CLSPN: variants seen among roughly 807,000 people sequenced by gnomAD.
CLSPN encodes claspin.
CLSPN carries 85 observed loss-of-function variants against 156.3 expected under a neutral mutation model. The observed-to-expected ratio is 0.54, with a 90% confidence interval of 0.46 to 0.65. The LOEUF is 0.65. Ranked by LOEUF, CLSPN falls within the 30% of genes least tolerant of loss-of-function variation. CLSPN has a pLI of 0.00. For synonymous variants in CLSPN, 534 were observed against 542.4 expected, an observed-to-expected ratio of 0.98 and a Z score of 0.22; for missense variants, 1,407 against 1,554.9, an observed-to-expected ratio of 0.90 and a Z score of 1.60.
chr1:35,731,429 T>C (rs1473087862), downstream of CLSPN, among the ~76,000 whole-genome samples: 1 of 152,178 alleles, frequency 6.6e-6, no homozygotes, highest in Non-Finnish European at 1.5e-5. Context: ...GGCAGAGCTA[T>C]GTCATGCATC....
chr1:35,769,794 C>A, intron 1 of CLSPN, 53 bp downstream of exon 1: 1 of 1,553,772 alleles, frequency 6.4e-7, no homozygotes. Context: ...CCCACCTAAC[C>A]TCTCGGTGCC....
chr1:35,747,996 G>A lies in CLSPN; in HGVS notation c.2538C>T (p.Ser846=). The A allele has an allele frequency of 1.2e-6, 2 of 1,614,138 alleles. No homozygotes were observed. Among genetic ancestry groups the A allele is most frequent in the South Asian group, 2.2e-5 (2 of 91,080 alleles). ...CTAGGAAAAGTGTCTTAGGCTCTGGGGAGGCGTTATACAGATCCTGGGAAT... is the reference window on the plus strand; with the variant it reads ...CTAGGAAAAGTGTCTTAGGCTCTGGAGAGGCGTTATACAGATCCTGGGAAT... The part of the protein sequence containing the change: ...IEDSQDLYNA[S]PEPKTLFLGA... Residue 846 remains serine, a synonymous_variant, in exon 14 of 25, where the codon TCC becomes TCT. Coordinates refer to ENST00000318121, the MANE Select transcript of CLSPN (RefSeq NM_022111.4).
At chr1:35,720,412 GC>G (rs1557489370) in exon 25 of CLSPN, 1 of 148,614 alleles carries the variant, frequency 6.7e-6, no homozygotes, top group African/African-American at 2.5e-5. Context: ...GGTTCCCCTG[GC>G]CTTCAGCCTG....
At position 35,764,284 on chromosome 1, in the gene CLSPN, C is replaced by T. The variant is rs1254645331; in HGVS notation, c.564G>A (p.Lys188=). The T allele has an allele frequency of 1.3e-6, 2 of 1,566,736 alleles. No individual in the cohort carries two copies. The highest frequency in any genetic ancestry group is 1.7e-6 in the Non-Finnish European group (2 of 1,164,114). Residue 188 remains lysine (K), a synonymous_variant, in exon 3 of 25, where the codon AAG becomes AAA. Transcript: ENST00000318121. The stretch of plus-strand genomic sequence containing the variant: ...AATGTACCTGGTTTTTTGTTTCCTT[C>T]TTTTTTAGCTGTCTAATTTTTTCCA... ...RKMEKIRQLK[K]KETKNQEDDV...
In CLSPN at chr1:35,763,200, G is replaced by T; in HGVS notation, c.704C>A (p.Ser235Ter). ...SPLEDEESLE[S>*]IRAAVKNKVK... The stretch of plus-strand genomic sequence containing the variant: ...TTTGTTTTTTACAGCTGCTCTTATT[G>T]ATTCTAATGACTCTTCATCTTCCAA... Residue 235 changes from serine to a stop codon, truncating the protein, a stop_gained, in exon 4 of 25, where the codon TCA becomes TAA. Coordinates refer to ENST00000318121, the MANE Select transcript of CLSPN (RefSeq NM_022111.4). LOFTEE classifies it high-confidence loss of function. 6.3e-7 allele frequency: 1 copy of T among 1,598,882 alleles called. No individual in the cohort carries two copies.
chr1:35,768,898 T>A (rs886483972), intron 1 of CLSPN, among the ~76,000 whole-genome samples: 3 of 152,026 alleles, frequency 2.0e-5, no homozygotes, highest in African/African-American at 7.2e-5. Context: ...TCTCAAAAAA[T>A]TCAGTAATCA....
At chr1:35,748,840 T>TTTG (rs1641986142) in intron 12 of CLSPN, 1 of 463,486 alleles carries the variant, frequency 2.2e-6, no homozygotes, top group Non-Finnish European at 3.6e-6. Context: ...TTTTTTTTTT[T>TTTG]TTTTTGAGAC....
intron 18 of CLSPN, among the ~76,000 whole-genome samples, chr1:35,741,563 G>C (rs111518866): frequency 6.6e-6 from 1 of 152,040 alleles, no homozygotes; most frequent in Non-Finnish European, 1.5e-5. Flanking sequence ...TGATCCACCC[G>C]CCTCAGCTTC....
Position 35,736,998 on chromosome 1 carries a change from A to C in CLSPN, c.3825T>G (p.Ser1275Arg), listed in dbSNP as rs1220142474. 2 of 1,614,058 alleles carry C rather than the reference A, an allele frequency of 1.2e-6. No homozygotes were observed. Among genetic ancestry groups the C allele is most frequent in the Non-Finnish European group, 1.7e-6 (2 of 1,180,012 alleles). ...CAAAGTTTCTTGAATTTCGAGGAGC[A>C]CTGGGGTTATGGTCAGAGAGAGCAG... ...KLAALSDHNP[S>R]APRNSRNFVF... Residue 1275 changes from serine to arginine, a missense_variant, in exon 24 of 25, where the codon AGT (serine) becomes AGG (arginine). This residue lies in a region of CLSPN where 241 missense variants were observed against 240.5 expected (regional missense o/e 1.00). Coordinates refer to ENST00000318121, the MANE Select transcript of CLSPN (RefSeq NM_022111.4).
chr1:35,747,880 C>T (rs770239313), intron 14 of CLSPN, 27 bp downstream of exon 14: 10 of 1,605,148 alleles, frequency 6.2e-6, no homozygotes, highest in African/African-American at 5.4e-5. Flanking sequence ...GCACCATTCC[C>T]GCCCACAGAA....
chr1:35,748,439 A>AATT lies in CLSPN; in HGVS notation c.2437_2438insAAT (p.Gly812_Leu813insGln). 6.2e-7 allele frequency: 1 copy of AATT among 1,614,146 alleles called. No homozygotes were observed. The highest frequency in any genetic ancestry group is 8.5e-7 in the Non-Finnish European group (1 of 1,180,018). On this transcript the variant is annotated inframe_insertion, in exon 13 of 25. Transcript: ENST00000318121. ...TGAGCTGACCAAACTGGCTCGAAAT[A>AATT]GCCCAGGGGAAGGAGATCTGAATCC...
In CLSPN at chr1:35,747,894, C is replaced by G. The variant is rs1192953346; in HGVS notation, c.2627+13G>C. Reference sequence around the variant, plus strand: ...AGCACCATTCCCGCCCACAGAAACACAAAACTACCTACCCATCTGCATCCA... The same window carrying G: ...AGCACCATTCCCGCCCACAGAAACAGAAAACTACCTACCCATCTGCATCCA... On this transcript the variant is annotated intron_variant, in intron 14 of 24. Transcript: ENST00000318121. 7.5e-6 allele frequency: 12 copies of G among 1,608,636 alleles called. No homozygotes were observed.
rs190341791 is a variant in CLSPN at position 35,748,634 on chromosome 1, A to G, written c.2273-30T>C. 43 of 1,567,172 alleles carry G rather than the reference A, an allele frequency of 2.7e-5. No homozygotes were observed. In the East Asian group the frequency reaches 5.4e-4, roughly 20 times the overall value. On this transcript the variant is annotated intron_variant, in intron 12 of 24. Coordinates refer to ENST00000318121, the MANE Select transcript of CLSPN (RefSeq NM_022111.4). ...AGAAAGAGAAACACCTTTTAAGCACATGATTACAGAAATAAGGTGGATTTG... is the reference window on the plus strand; with the variant it reads ...AGAAAGAGAAACACCTTTTAAGCACGTGATTACAGAAATAAGGTGGATTTG...
chr1:35,762,351 T>TA, intron 5 of CLSPN, 53 bp downstream of exon 5: 1 of 1,385,558 alleles, frequency 7.2e-7, no homozygotes, highest in Non-Finnish European at 1.0e-6. Flanking sequence ...AAGAAATCTA[T>TA]AATCTCCTGT....
At chr1:35,729,720 G>A (rs1020851192), downstream of CLSPN, among the ~76,000 whole-genome samples, 9 of 152,292 alleles carry the variant, frequency 5.9e-5, no homozygotes, top group Middle Eastern at 0.01. Context: ...CACCAATGGT[G>A]GACTATGGAG....
rs1354700423 is a variant in CLSPN, at chr1:35,738,517, C to T, written c.3496G>A (p.Asp1166Asn). The change falls in exon 21 of 25, where the codon GAT (aspartate) becomes AAT (asparagine). Residue 1166 changes from aspartate (D) to asparagine (N), a missense_variant. Physicochemically the swap from Asp to Asn is conservative, Grantham distance 23 (BLOSUM62 1). This residue lies in a region of CLSPN where 241 missense variants were observed against 240.5 expected (regional missense o/e 1.00). Coordinates refer to ENST00000318121, the MANE Select transcript of CLSPN (RefSeq NM_022111.4). ...SDDDQTEEQL[D>N]ESEARWRKER... The stretch of plus-strand genomic sequence containing the variant: ...TTCCTCCACCTGGCTTCTGACTCAT[C>T]AAGCTGTTCTTCAGTCTGATCATCA... 1 of 1,614,016 alleles carries T rather than the reference C, an allele frequency of 6.2e-7. No individual in the cohort carries two copies. Among genetic ancestry groups the T allele is most frequent in the South Asian group, 1.1e-5 (1 of 91,070 alleles).
At chr1:35,756,727 C>A (rs866666081) in intron 8 of CLSPN, among the ~76,000 whole-genome samples, 2 of 152,162 alleles carry the variant, frequency 1.3e-5, no homozygotes, top group South Asian at 4.1e-4. Context: ...TCTGACATCA[C>A]AAAATTTAAA....
At chr1:35,742,171 A>C (rs146266383) in intron 18 of CLSPN, among the ~76,000 whole-genome samples, 1,626 of 152,176 alleles carry the variant, frequency 0.011, 28 homozygotes, top group African/African-American at 0.036. Flanking sequence ...TGTCCCAGCT[A>C]CTTGGGAAGC....
Position 35,762,024 on chromosome 1 carries a change from T to C in CLSPN, c.869A>G (p.His290Arg). Reference sequence around the variant, plus strand: ...TCGAATAAGGCGCTGAGTCTCACTATGCAGTTGTTTTAATGCTTCTTTACT... The same window carrying C: ...TCGAATAAGGCGCTGAGTCTCACTACGCAGTTGTTTTAATGCTTCTTTACT... ...RLSKEALKQLHSETQRLIRES... is the reference protein window; with the variant it reads ...RLSKEALKQLRSETQRLIRES... Residue 290 changes from histidine (H) to arginine (R), a missense_variant, in exon 6 of 25, where the codon CAT becomes CGT. Physicochemically the swap from His to Arg is conservative, Grantham distance 29. Around this residue, in one of 3 missense-constraint regions of CLSPN, gnomAD observed 1,096 missense variants for 1,193.0 expected, o/e 0.92. Transcript: ENST00000318121. The C allele has an allele frequency of 6.2e-7, 1 of 1,613,798 alleles. No individual in the cohort carries two copies. The highest frequency in any genetic ancestry group is 8.5e-7 in the Non-Finnish European group (1 of 1,179,732).
Sources: gnomAD v4.1 joint callset for allele counts (sites outside exome capture counted in the v4.1 genomes callset) on GRCh38, gnomAD v4.1.1 for gene constraint, gnomAD v4.1.1 regional missense constraint, MANE v1.5 for transcripts, NCBI Gene and HGNC (gene_info 2026-07-23, HGNC 2026-07-21) for gene names.